The following PTPRT variants were observed in gnomAD, a reference collection of about 807,000 sequenced individuals.
The protein encoded by PTPRT is protein tyrosine phosphatase receptor type T.
A neutral mutation model predicts 176.8 loss-of-function variants in PTPRT; 56 were observed. The ratio of observed to expected loss-of-function variants is 0.32; its 90% CI spans 0.26 to 0.40. The LOEUF (loss-of-function observed/expected upper bound fraction) is 0.40. Among genes scored for constraint, PTPRT ranks in the 10% least tolerant of loss-of-function variants. The pLI, the probability that PTPRT is intolerant of heterozygous loss-of-function variation, is 1.00. For missense variants in PTPRT, 1,540 were observed against 1,908.2 expected (o/e 0.81, Z 3.60); for synonymous variants, 783 against 739.0 (o/e 1.06, Z -0.96).
intron 7 of PTPRT, among the ~76,000 whole-genome samples, chr20:42,561,055 G>T (rs572682994): frequency 2.6e-5 from 4 of 152,182 alleles, no homozygotes; most frequent in Non-Finnish European, 5.9e-5. Context: ...CTTGTGTCTG[G>T]CAGCAAAAGC....
intron 2 of PTPRT, among the ~76,000 whole-genome samples, chr20:42,877,695 A>G (rs2078956806): frequency 6.6e-6 from 1 of 152,222 alleles, no homozygotes; most frequent in South Asian, 2.1e-4. Context: ...TCCTGCCTAC[A>G]AGAACCGAAG....
intron 1 of PTPRT, among the ~76,000 whole-genome samples, chr20:42,948,411 T>G (rs1482182653): frequency 6.6e-6 from 1 of 152,174 alleles, no homozygotes; most frequent in East Asian, 1.9e-4. Flanking sequence ...CAGAGTTGGC[T>G]TCTCAGAGCC....
intron 1 of PTPRT, among the ~76,000 whole-genome samples, chr20:42,916,610 A>G (rs1227219599): frequency 6.6e-6 from 1 of 152,122 alleles, no homozygotes; most frequent in Non-Finnish European, 1.5e-5. Context: ...ATTTCTCCAC[A>G]TCCTCTCCAG....
At chr20:42,601,752 T>G (rs2073785609) in intron 7 of PTPRT, among the ~76,000 whole-genome samples, 1 of 152,206 alleles carries the variant, frequency 6.6e-6, no homozygotes, top group African/African-American at 2.4e-5. Flanking sequence ...CATTACTAAA[T>G]TAATGAATAA....
chr20:42,099,608 AC>A lies in PTPRT; in HGVS notation c.3715-1057del, dbSNP rs138290529. Among the ~76,000 whole-genome samples, 442 of 123,610 alleles carry A rather than the reference AC, an allele frequency of 3.6e-3. 2 individuals are homozygous for A. Among genetic ancestry groups the A allele is most frequent in the African/African-American group, 0.012 (414 of 34,898 alleles). The allele number at this position is 123,610 out of a possible 152,430, so 81.1% of individuals were successfully genotyped here. On this transcript the variant is annotated intron_variant, in intron 26 of 30. Coordinates refer to ENST00000373187, the MANE Select transcript of PTPRT (RefSeq NM_007050.6). ...CCAGGGCCCTATTTATTTTCTCCCC[AC>A]CCTGAAGTCATGTATTTGAAAAGAT... is the stretch of plus-strand genomic sequence containing the variant.
intron 7 of PTPRT, among the ~76,000 whole-genome samples, chr20:42,668,782 C>G (rs1399592139): frequency 6.6e-6 from 1 of 151,384 alleles, no homozygotes; most frequent in East Asian, 1.9e-4. Flanking sequence ...AGCTCCGCCT[C>G]CTGGGTTCAC....
chr20:42,687,346 C>T (rs956000530), intron 6 of PTPRT: 1 of 152,184 alleles, frequency 6.6e-6, no homozygotes, highest in Non-Finnish European at 1.5e-5. Context: ...CATCATGTTG[C>T]AACCAGTGAA....
chr20:42,875,980 T>C (rs981571642), intron 2 of PTPRT, among the ~76,000 whole-genome samples: 2 of 152,220 alleles, frequency 1.3e-5, no homozygotes, highest in Admixed American at 6.5e-5. Flanking sequence ...TAGTAAGCAC[T>C]ACATAGGTAG....
intron 13 of PTPRT, among the ~76,000 whole-genome samples, chr20:42,258,791 C>T (rs1207327006): frequency 2.0e-5 from 3 of 152,108 alleles, no homozygotes; most frequent in East Asian, 3.8e-4. Flanking sequence ...CTTTTAGTCA[C>T]GATTTAACTC....
intron 7 of PTPRT, among the ~76,000 whole-genome samples, chr20:42,629,112 T>G (rs150518518): frequency 6.6e-6 from 1 of 152,176 alleles, no homozygotes; most frequent in Admixed American, 6.5e-5. Context: ...GAGGAACAGA[T>G]CTGACATATA....
chr20:42,783,728 C>T (rs903588466), intron 3 of PTPRT, among the ~76,000 whole-genome samples: 35 of 152,144 alleles, frequency 2.3e-4, no homozygotes, highest in African/African-American at 8.4e-4. Context: ...ATCTCTGACC[C>T]AAGCACACTC....
At chr20:42,402,848 G>A (rs2058922650) in intron 9 of PTPRT, among the ~76,000 whole-genome samples, 1 of 152,106 alleles carries the variant, frequency 6.6e-6, no homozygotes, top group Admixed American at 6.6e-5. Context: ...ATGTGTGTGT[G>A]TGTGTATACA....
chr20:42,835,028 G>A (rs988026453), intron 2 of PTPRT, among the ~76,000 whole-genome samples: 6 of 152,076 alleles, frequency 3.9e-5, no homozygotes, highest in African/African-American at 1.4e-4. Flanking sequence ...CTAATAGAAT[G>A]AGAAAGTAAA....
chr20:42,947,707 C>A lies in PTPRT; in HGVS notation c.89-61775G>T, dbSNP rs149607045. On this transcript the variant is annotated intron_variant, in intron 1 of 30. Coordinates refer to ENST00000373187, the MANE Select transcript of PTPRT (RefSeq NM_007050.6). ...CCTCCCCTGCACACCAAACTTCTTG[C>A]AAGAATTGTGCTCATTCACTTTGTC... 2.6e-3 allele frequency among the ~76,000 whole-genome samples: 392 copies of A among 152,314 alleles called. 1 individual carries two copies. The highest frequency in any genetic ancestry group is 8.2e-3 in the African/African-American group (339 of 41,570).
intron 1 of PTPRT, among the ~76,000 whole-genome samples, chr20:43,065,381 T>C (rs992005665): frequency 2.0e-5 from 3 of 152,184 alleles, no homozygotes; most frequent in African/African-American, 7.2e-5. Context: ...TACATAACTT[T>C]CACTCACATT....
At chr20:42,431,714 T>A (rs1208504535) in intron 9 of PTPRT, among the ~76,000 whole-genome samples, 1 of 152,200 alleles carries the variant, frequency 6.6e-6, no homozygotes, top group Non-Finnish European at 1.5e-5. Flanking sequence ...AGAGAGCCTA[T>A]TGTACATACA....
chr20:42,795,140 CAAGA>C (rs1233566161), intron 2 of PTPRT, among the ~76,000 whole-genome samples: 1 of 151,300 alleles, frequency 6.6e-6, no homozygotes, highest in Non-Finnish European at 1.5e-5. Flanking sequence ...CAGTCAGAAA[CAAGA>C]AAGAGAAAGA....
intron 14 of PTPRT, among the ~76,000 whole-genome samples, chr20:42,237,598 T>C (rs1355519078): frequency 6.6e-6 from 1 of 152,254 alleles, no homozygotes; most frequent in Non-Finnish European, 1.5e-5. Context: ...ATCATATGGC[T>C]GAGAATTCCA....
chr20:42,483,709 C>T (rs1020266718), intron 7 of PTPRT, among the ~76,000 whole-genome samples: 12 of 152,246 alleles, frequency 7.9e-5, no homozygotes, highest in Non-Finnish European at 1.5e-4. Flanking sequence ...TGACTGAGGT[C>T]ATGGCCCTCG....
Sources: gnomAD v4.1 joint callset for allele counts (sites outside exome capture counted in the v4.1 genomes callset) on GRCh38, gnomAD v4.1.1 for gene constraint, MANE v1.5 for transcripts, NCBI Gene and HGNC (gene_info 2026-07-23, HGNC 2026-07-21) for gene names.